The following TRAPPC11 variants were observed in gnomAD, a reference collection of about 807,000 sequenced individuals.
TRAPPC11 encodes trafficking protein particle complex subunit 11.
A neutral mutation model predicts 151.2 loss-of-function variants in TRAPPC11; 104 were observed. The ratio of observed to expected loss-of-function variants is 0.69; its 90% confidence interval spans 0.59 to 0.81. TRAPPC11 has a LOEUF of 0.81. Among genes scored for constraint, TRAPPC11 ranks in the 30% least tolerant of loss-of-function variants. TRAPPC11 has a pLI of 0.00. For missense variants in TRAPPC11, 1,230 were observed against 1,349.6 expected (o/e 0.91, Z 1.39); for synonymous variants, 456 against 472.3 (o/e 0.97, Z 0.45).
chr4:183,707,608 A>C (rs1438875732), intron 28 of TRAPPC11, among the ~76,000 whole-genome samples: 1 of 152,202 alleles, frequency 6.6e-6, no homozygotes, highest in Non-Finnish European at 1.5e-5. Flanking sequence ...TAATTAGAGA[A>C]CATATGTGTC....
chr4:183,690,077 C>T (rs1378425317), intron 18 of TRAPPC11, among the ~76,000 whole-genome samples: 1 of 152,010 alleles, frequency 6.6e-6, no homozygotes, highest in African/African-American at 2.4e-5. Context: ...GTGGCGGGTG[C>T]CTGTAGTCTC....
In TRAPPC11 at chr4:183,659,310, G is replaced by T. The variant is rs941886477; in HGVS notation, c.-159G>T. The T allele has an allele frequency of 4.1e-6, 1 of 244,674 alleles. No individual in the cohort carries two copies. The allele number at this position is 244,674 out of a possible 1,614,324, so 15.2% of individuals were successfully genotyped here. A position where few individuals can be genotyped will look rare whatever the true frequency, so the allele number is the denominator to read the frequency against. On this transcript the variant is annotated 5_prime_UTR_variant, in exon 1 of 30. Coordinates refer to ENST00000334690, the MANE Select transcript of TRAPPC11 (RefSeq NM_021942.6). ...GGGGAGGTGGGTACAGGGAAGTCTC[G>T]CCTGTTGGAACTGGCTGTGGGGCTG...
intron 3 of TRAPPC11, 108 bp downstream of exon 3, chr4:183,666,534 C>A (rs529227807): frequency 9.2e-7 from 1 of 1,091,094 alleles, no homozygotes; most frequent in Non-Finnish European, 1.3e-6. Context: ...GGTCACTTTG[C>A]GGATTGACCT....
chr4:183,705,531 C>T (rs547959539), intron 27 of TRAPPC11, among the ~76,000 whole-genome samples: 55 of 152,204 alleles, frequency 3.6e-4, no homozygotes, highest in African/African-American at 1.3e-3. Context: ...CTCCCCCATA[C>T]CATCTCTCCT....
intron 28 of TRAPPC11, among the ~76,000 whole-genome samples, chr4:183,707,252 TTATG>T (rs1561065356): frequency 1.0e-5 from 1 of 98,752 alleles, no homozygotes; most frequent in Non-Finnish European, 2.1e-5. Flanking sequence ...GTGTGTGTGT[TTATG>T]TGTGTGTGTG....
At chr4:183,708,258 T>C in intron 28 of TRAPPC11, 149 bp from the exon 29 acceptor site, 1 of 761,436 alleles carries the variant, frequency 1.3e-6, no homozygotes. Flanking sequence ...CACTTTGGAA[T>C]CTGTTTGGAA....
At chr4:183,696,831 T>C (rs917692490) in intron 23 of TRAPPC11, among the ~76,000 whole-genome samples, 3 of 152,208 alleles carry the variant, frequency 2.0e-5, no homozygotes, top group African/African-American at 7.2e-5. Flanking sequence ...CATTACATAA[T>C]ACATGTATAC....
At chr4:183,694,404 T>C (rs1245768963) in intron 22 of TRAPPC11, among the ~76,000 whole-genome samples, 200 bp from the exon 23 acceptor site, 3 of 152,206 alleles carry the variant, frequency 2.0e-5, no homozygotes, top group Admixed American at 6.5e-5. Context: ...CCCACCCTTA[T>C]ACTGTGGCCA....
chr4:183,694,763 A>AT (rs1736446129), intron 23 of TRAPPC11, 40 bp downstream of exon 23: 1 of 1,581,664 alleles, frequency 6.3e-7, no homozygotes. Context: ...TCATATGTGG[A>AT]GTATTCCCAT....
At chr4:183,679,322 T>A in intron 8 of TRAPPC11, 31 bp from the exon 9 acceptor site, 1 of 1,522,118 alleles carries the variant, frequency 6.6e-7, no homozygotes, top group Non-Finnish European at 8.8e-7. Flanking sequence ...CTTTTTTTCC[T>A]TTATTTTGGG....
intron 1 of TRAPPC11, among the ~76,000 whole-genome samples, chr4:183,659,906 G>A (rs947607647): frequency 5.4e-5 from 8 of 149,230 alleles, no homozygotes; most frequent in African/African-American, 2.0e-4. Flanking sequence ...GAAAAAAAAA[G>A]TAACCACATT....
chr4:183,681,795 A>G (rs1429844923), intron 10 of TRAPPC11, among the ~76,000 whole-genome samples: 4 of 151,914 alleles, frequency 2.6e-5, no homozygotes, highest in African/African-American at 9.7e-5. Context: ...AAAGTAAAAT[A>G]AAATTTCCAT....
intron 29 of TRAPPC11, among the ~76,000 whole-genome samples, chr4:183,712,323 G>A (rs1220295232): frequency 1.3e-5 from 2 of 152,336 alleles, no homozygotes; most frequent in East Asian, 3.9e-4. Context: ...TGACAGAAGA[G>A]GATTCTTCGG....
chr4:183,668,342 A>T (rs78906704), intron 5 of TRAPPC11, among the ~76,000 whole-genome samples: 2 of 151,858 alleles, frequency 1.3e-5, no homozygotes, highest in Non-Finnish European at 1.5e-5. Flanking sequence ...TTCCAAAAAA[A>T]GTCTTTTTGT....
chr4:183,664,687 TAAA>T (rs1242819461), intron 2 of TRAPPC11, among the ~76,000 whole-genome samples: 1 of 152,288 alleles, frequency 6.6e-6, no homozygotes, highest in East Asian at 1.9e-4. Flanking sequence ...AACATAGTTG[TAAA>T]AAAACAGTAA....
chr4:183,694,225 C>T (rs1036267471), intron 22 of TRAPPC11, among the ~76,000 whole-genome samples, 187 bp downstream of exon 22: 4 of 152,138 alleles, frequency 2.6e-5, no homozygotes, highest in African/African-American at 9.7e-5. Flanking sequence ...AGTTTTTCTA[C>T]AAGGGAATTT....
intron 23 of TRAPPC11, among the ~76,000 whole-genome samples, chr4:183,695,468 C>G (rs1736491203): frequency 6.6e-6 from 1 of 152,190 alleles, no homozygotes; most frequent in Admixed American, 6.5e-5. Context: ...CAGTTCACAA[C>G]TCGAAGGCAA....
intron 17 of TRAPPC11, 24 bp from the exon 18 acceptor site, chr4:183,686,594 A>G (rs1322707997): frequency 1.2e-6 from 2 of 1,612,510 alleles, no homozygotes; most frequent in Non-Finnish European, 1.7e-6. Context: ...TGTGCATAAC[A>G]CAGCCCTTTT....
intron 23 of TRAPPC11, among the ~76,000 whole-genome samples, chr4:183,695,012 G>A (rs549491677): frequency 1.3e-4 from 19 of 145,838 alleles, no homozygotes; most frequent in Middle Eastern, 3.6e-3. Context: ...GCAGTGGCAC[G>A]ATCTTGGCTC....
Sources: allele counts gnomAD v4.1 joint callset (sites outside exome capture counted in the v4.1 genomes callset), GRCh38; gene constraint gnomAD v4.1.1; transcripts MANE v1.5; gene names NCBI Gene and HGNC (gene_info 2026-07-23, HGNC 2026-07-21).